Variants in BTD observed in about 807,000 individuals in gnomAD.
BTD encodes the protein biocytinase.
Under a neutral mutation model 17.7 loss-of-function variants are expected in BTD, and 13 were observed. The ratio of observed to expected loss-of-function variants is 0.74; its 90% CI spans 0.48 to 1.17. The LOEUF is 1.17. Ranked by LOEUF, BTD falls within the 50% of genes most tolerant of loss-of-function variation. The pLI is 0.00. For synonymous variants in BTD, 240 were observed against 245.2 expected (o/e 0.98, Z 0.20); for missense variants, 674 against 650.4 (o/e 1.04, Z -0.39).
intron 3 of BTD, among the ~76,000 whole-genome samples, chr3:15,672,198 T>G (rs992533297): frequency 6.7e-6 from 1 of 148,740 alleles, no homozygotes; most frequent in Non-Finnish European, 1.5e-5. Context: ...CAGGCTGGAG[T>G]GCAGTATAAT....
intron 3 of BTD, among the ~76,000 whole-genome samples, chr3:15,709,908 G>T (rs2071991429): frequency 6.6e-6 from 1 of 152,100 alleles, no homozygotes; most frequent in East Asian, 1.9e-4. Context: ...CTAGAATTTA[G>T]AAAGTTATAT....
intron 3 of BTD, among the ~76,000 whole-genome samples, chr3:15,704,434 A>G (rs2071068000): frequency 6.6e-6 from 1 of 152,236 alleles, no homozygotes; most frequent in African/African-American, 2.4e-5. Context: ...TAAAAATTCC[A>G]AAGTATAAAC....
At chr3:15,630,205 G>A (rs2065171426) in intron 1 of BTD, 1 of 480,132 alleles carries the variant, frequency 2.1e-6, no homozygotes, top group Non-Finnish European at 2.7e-6. Flanking sequence ...AGAGATAGAT[G>A]AAGTATTAGA....
intron 3 of BTD, among the ~76,000 whole-genome samples, chr3:15,704,080 C>G (rs2125987250): frequency 6.6e-6 from 1 of 152,222 alleles, no homozygotes; most frequent in East Asian, 1.9e-4. Context: ...ACATCCTGCT[C>G]AAAGACAGCC....
intron 2 of BTD, among the ~76,000 whole-genome samples, chr3:15,639,266 T>C (rs549143550): frequency 6.9e-6 from 1 of 145,436 alleles, no homozygotes; most frequent in South Asian, 2.2e-4. Context: ...GTATACATAA[T>C]TTAAATGTTA....
At position 15,644,488 on chromosome 3, in the gene BTD, G is replaced by A. The variant is rs112195009; in HGVS notation, c.572G>A (p.Arg191His). 1.9e-5 allele frequency: 31 copies of A among 1,614,124 alleles called. No individual in the cohort carries two copies. Among genetic ancestry groups the A allele is most frequent in the East Asian group, 6.7e-5 (3 of 44,888 alleles). The change falls in exon 4 of 4, where the codon CGT (arginine) becomes CAT (histidine). Residue 191 changes from arginine (R) to histidine (H), a missense_variant. Coordinates refer to ENST00000643237, the MANE Select transcript of BTD (RefSeq NM_001370658.1). Reference sequence around the variant, plus strand: ...AATGGAACCCTTGTTGACCGCTACCGTAAACACAACCTCTACTTTGAGGCA... The same window carrying A: ...AATGGAACCCTTGTTGACCGCTACCATAAACACAACCTCTACTTTGAGGCA... ...SNNGTLVDRY[R>H]KHNLYFEAAF...
intron 3 of BTD, among the ~76,000 whole-genome samples, chr3:15,706,311 A>G (rs2071386097): frequency 6.6e-6 from 1 of 151,772 alleles, no homozygotes; most frequent in Non-Finnish European, 1.5e-5. Flanking sequence ...TTATTGTTCA[A>G]TTCTCACCTA....
Position 15,650,429 on chromosome 3 carries a change from T to C in BTD, c.*4941T>C, listed in dbSNP as rs1168035804. On this transcript the variant is annotated 3_prime_UTR_variant, in exon 4 of 4. Transcript: ENST00000643237. ...CTCATTCTCTTCATCTTTTTCTTTT[T>C]GTTTGAGCAAAAAAAAAAAAGAATA... Among the ~76,000 whole-genome samples the C allele has an allele frequency of 1.4e-5, 1 of 69,484 alleles. No individual in the cohort carries two copies. Among genetic ancestry groups the C allele is most frequent in the Non-Finnish European group, 2.9e-5 (1 of 34,858 alleles). 45.6% of individuals were successfully genotyped at this position (69,484 alleles called of 152,430 possible). A position where few individuals can be genotyped will look rare whatever the true frequency, so the allele number is the denominator to read the frequency against.
chr3:15,618,601 C>G (rs1393637160), intron 1 of BTD, among the ~76,000 whole-genome samples: 1 of 152,154 alleles, frequency 6.6e-6, no homozygotes, highest in Non-Finnish European at 1.5e-5. Context: ...TCTCGGCTCA[C>G]TGCAAGCTCC....
chr3:15,697,502 ATG>A (rs2069805820), intron 3 of BTD: 1 of 151,662 alleles, frequency 6.6e-6, no homozygotes, highest in Non-Finnish European at 1.5e-5. Context: ...AAATTTAATC[ATG>A]TGTTTGTTTT....
rs145742617 is a variant in BTD, at chr3:15,603,485, A to G, written c.-17+1591A>G. Among the ~76,000 whole-genome samples the G allele has an allele frequency of 9.9e-3, 1,513 of 152,106 alleles. 11 individuals are homozygous for G. Among genetic ancestry groups the G allele is most frequent in the Middle Eastern group, 0.031 (9 of 294 alleles). ...ATCCTGGTCAACACGGTGAAACCCT[A>G]TCTCTACTAAAAATACAAAAAATTA... On this transcript the variant is annotated intron_variant, in intron 1 of 3. Coordinates refer to ENST00000643237, the MANE Select transcript of BTD (RefSeq NM_001370658.1).
rs117806438 is a variant in BTD at position 15,644,888 on chromosome 3, C to T, written c.972C>T (p.Leu324=). Residue 324 remains leucine, a synonymous_variant, in exon 4 of 4, where the codon CTC becomes CTT. Coordinates refer to ENST00000643237, the MANE Select transcript of BTD (RefSeq NM_001370658.1). ...AGGTGGCCAAAAATCCAGTGGGTCT[C>T]ATTGGTGCAGAGAATGCAACAGGTG... ...IAQVAKNPVG[L]IGAENATGET... The T allele has an allele frequency of 2.2e-4, 351 of 1,614,102 alleles. 4 individuals are homozygous for T. The East Asian group carries it at 7.7e-3, about 36-fold the overall frequency.
At chr3:15,708,742 G>T (rs1231013529) in intron 3 of BTD, among the ~76,000 whole-genome samples, 1 of 152,070 alleles carries the variant, frequency 6.6e-6, no homozygotes, top group Admixed American at 6.6e-5. Context: ...AGAGCAATCT[G>T]TTCTTCAAAG....
chr3:15,667,636 G>A (rs1164692223), intron 3 of BTD: 2 of 152,186 alleles, frequency 1.3e-5, no homozygotes, highest in Non-Finnish European at 2.9e-5. Flanking sequence ...TACTGGCGTA[G>A]TTCAAATACC....
At chr3:15,716,445 T>C (rs1361811395), downstream of BTD, among the ~76,000 whole-genome samples, 2 of 151,770 alleles carry the variant, frequency 1.3e-5, no homozygotes, top group African/African-American at 4.8e-5. Flanking sequence ...GCATGTAACA[T>C]TACACCTGGC....
chr3:15,684,052 T>G (rs143310614), intron 3 of BTD: 123 of 152,224 alleles, frequency 8.1e-4, no homozygotes, highest in African/African-American at 2.7e-3. Flanking sequence ...ACATTAATCT[T>G]GAAGCTACAC....
At chr3:15,642,672 CA>C (rs1217888820) in intron 3 of BTD, among the ~76,000 whole-genome samples, 2 of 151,980 alleles carry the variant, frequency 1.3e-5, no homozygotes, top group African/African-American at 4.8e-5. Context: ...CCATGTTAGC[CA>C]GGATGGTCTC....
intron 3 of BTD, among the ~76,000 whole-genome samples, chr3:15,665,312 G>T (rs957498474): frequency 5.3e-5 from 8 of 152,262 alleles, no homozygotes; most frequent in South Asian, 2.1e-4. Context: ...TTCAGATTAG[G>T]TTGTGCTTTG....
intron 3 of BTD, among the ~76,000 whole-genome samples, chr3:15,659,080 G>C (rs1168966648): frequency 3.3e-5 from 5 of 152,176 alleles, no homozygotes; most frequent in African/African-American, 4.8e-5. Flanking sequence ...AAGGCTCCCA[G>C]GACCTAGTAC....
Sources: allele counts gnomAD v4.1 joint callset (sites outside exome capture counted in the v4.1 genomes callset), GRCh38; gene constraint gnomAD v4.1.1; transcripts MANE v1.5; gene names NCBI Gene and HGNC (gene_info 2026-07-23, HGNC 2026-07-21).